The following HCN2 variants were observed in gnomAD, a reference collection of about 807,000 sequenced individuals.
HCN2 encodes the protein potassium/sodium hyperpolarization-activated cyclic nucleotide-gated channel 2.
A neutral mutation model predicts 52.3 loss-of-function variants in HCN2; 20 were observed. The ratio of observed to expected loss-of-function variants is 0.38; its 90% CI spans 0.27 to 0.56. The LOEUF (loss-of-function observed/expected upper bound fraction) is 0.56. Among genes scored for constraint, HCN2 ranks in the 20% least tolerant of loss-of-function variants. The probability of loss-of-function intolerance (pLI) is 0.71; values close to 1 mark genes in which losing one functional copy is unlikely to be tolerated. For synonymous variants in HCN2, 694 were observed against 537.0 expected (o/e 1.29, Z -4.04); for missense variants, 981 against 1,207.7 (o/e 0.81, Z 2.78).
rs576354153 is a variant in HCN2, at chr19:596,552, C to G, written c.632+5975C>G. On this transcript the variant is annotated intron_variant, in intron 1 of 7. Coordinates refer to ENST00000251287, the MANE Select transcript of HCN2 (RefSeq NM_001194.4). ...GCCCTCGTAGAGGCCTCACTGTTAC[C>G]TGTCGGGGATGGGTTTTAAATACAG... Among the ~76,000 whole-genome samples, 54 of 152,346 alleles carry G rather than the reference C, an allele frequency of 3.5e-4. 1 individual carries two copies. The South Asian group carries it at 9.9e-3, about 28-fold the overall frequency.
rs557680127 is a variant in HCN2, at chr19:592,446, C to G, written c.632+1869C>G. ...GGAGTGAAGCCCTCTCATCCTTCCA[C>G]CCTCCTTGGGCGTGGTCGCCTGGAG... On this transcript the variant is annotated intron_variant, in intron 1 of 7. Transcript: ENST00000251287. This position sits in a 1 kb window ranked among gnomAD's most constrained non-coding sequence, Gnocchi z 4.8. Among the ~76,000 whole-genome samples, 1 of 152,146 alleles carries G rather than the reference C, an allele frequency of 6.6e-6. No homozygotes were observed. Among genetic ancestry groups the G allele is most frequent in the Non-Finnish European group, 1.5e-5 (1 of 68,006 alleles).
intron 2 of HCN2, 65 bp downstream of exon 2, chr19:604,032 C>A: frequency 7.9e-7 from 1 of 1,267,968 alleles, no homozygotes; most frequent in East Asian, 2.6e-5. Flanking sequence ...ATGGGCGGGG[C>A]CAAGGCAGCA....
At chr19:594,116 C>A (rs1982952323) in intron 1 of HCN2, among the ~76,000 whole-genome samples, 1 of 150,804 alleles carries the variant, frequency 6.6e-6, no homozygotes, top group Admixed American at 6.6e-5. Context: ...GGTGTCTCCG[C>A]AGGAGAGGGG....
At chr19:599,733 A>G (rs1393562379) in intron 1 of HCN2, among the ~76,000 whole-genome samples, 3 of 151,990 alleles carry the variant, frequency 2.0e-5, no homozygotes. Flanking sequence ...GCTTGCAGTG[A>G]GCCGAGATTG....
chr19:615,703 G>A, intron 7 of HCN2, 92 bp from the exon 8 acceptor site: 1 of 1,254,448 alleles, frequency 8.0e-7, no homozygotes, highest in Admixed American at 1.8e-5. Flanking sequence ...GGCAAGCACT[G>A]TGTGCGCACC....
In HCN2 at chr19:616,863, A is replaced by G. The variant is rs570846326; in HGVS notation, c.*389A>G. ...CCCCGTCCGAGGAGGATCGTTTTCT[A>G]AGTGCAATACTTGGCCCGCCGGCTT... is the stretch of plus-strand genomic sequence containing the variant. On this transcript the variant is annotated 3_prime_UTR_variant, in exon 8 of 8. Transcript: ENST00000251287. 64 of 171,902 alleles carry G rather than the reference A, an allele frequency of 3.7e-4. No individual in the cohort carries two copies. The highest frequency in any genetic ancestry group is 1.7e-3 in the African/African-American group (63 of 37,772). 10.6% of individuals were successfully genotyped at this position (171,902 alleles called of 1,614,324 possible). A position where few individuals can be genotyped will look rare whatever the true frequency, so the allele number is the denominator to read the frequency against.
chr19:616,065 C>T lies in HCN2; in HGVS notation c.2261C>T (p.Ser754Leu). 3 of 1,142,990 alleles carry T rather than the reference C, an allele frequency of 2.6e-6. No individual in the cohort carries two copies. Among genetic ancestry groups the T allele is most frequent in the Non-Finnish European group, 2.1e-6 (2 of 932,950 alleles). 70.8% of individuals were successfully genotyped at this position (1,142,990 alleles called of 1,614,324 possible). ...CTCGTGGGGCCGCTGGCGCTCGGCT[C>T]GCCGCGCCTCGTGCGCCGCCCGCCC... is the stretch of plus-strand genomic sequence containing the variant. ...RPLVGPLALG[S>L]PRLVRRPPPG... The change falls in exon 8 of 8, where the codon TCG becomes TTG. Residue 754 changes from serine to leucine, a missense_variant. Coordinates refer to ENST00000251287, the MANE Select transcript of HCN2 (RefSeq NM_001194.4).
chr19:605,301 T>TCAAGTGGC lies in HCN2; in HGVS notation c.1218+79_1218+80insCAAGTGGC. 4 of 1,389,850 alleles carry TCAAGTGGC rather than the reference T, an allele frequency of 2.9e-6. No homozygotes were observed. In the Admixed American group the frequency reaches 6.7e-5, roughly 23 times the overall value. The allele number at this position is 1,389,850 out of a possible 1,614,324, so 86.1% of individuals were successfully genotyped here. ...GGGACCCAGGCCCCCTTATCCCGCT[T>TCAAGTGGC]ACAGAGGGTTGAACCCAAGCCTTTC... On this transcript the variant is annotated intron_variant, in intron 3 of 7. Transcript: ENST00000251287.
rs763669273 is a variant in HCN2 at position 603,785 on chromosome 19, G to T, written c.874G>T (p.Val292Leu). Residue 292 changes from valine to leucine, a missense_variant, in exon 2 of 8, where the codon GTG becomes TTG. This residue lies in a region of HCN2 where 282 missense variants were observed against 553.8 expected (regional missense o/e 0.51). Transcript: ENST00000251287. The part of the protein sequence containing the change: ...IKKKYLRTWF[V>L]VDFVSSIPVD... Reference sequence around the variant, plus strand: ...GAAGAAGTATCTGCGCACGTGGTTCGTGGTGGACTTCGTGTCCTCCATCCC... The same window carrying T: ...GAAGAAGTATCTGCGCACGTGGTTCTTGGTGGACTTCGTGTCCTCCATCCC... 2.5e-6 allele frequency: 4 copies of T among 1,612,736 alleles called. No homozygotes were observed.
intron 1 of HCN2, among the ~76,000 whole-genome samples, chr19:593,103 C>A (rs1328506374): frequency 6.6e-6 from 1 of 152,152 alleles, no homozygotes; most frequent in South Asian, 2.1e-4. Context: ...CCCAGGCACG[C>A]CCTCACCCCG....
rs900746437 is a variant in HCN2 at position 592,339 on chromosome 19, T to G, written c.632+1762T>G. On this transcript the variant is annotated intron_variant, in intron 1 of 7. Transcript: ENST00000251287. The surrounding 1 kb of genome is among the most constrained non-coding windows in gnomAD (Gnocchi z 4.8). ...CCCCTGGGCAGCTCCAGCGACCCCC[T>G]GGCTGCAGAGGGGCGGTCGGTGGCC... is the stretch of plus-strand genomic sequence containing the variant. 6.6e-6 allele frequency among the ~76,000 whole-genome samples: 1 copy of G among 152,090 alleles called. No homozygotes were observed. Among genetic ancestry groups the G allele is most frequent in the African/African-American group, 2.4e-5 (1 of 41,418 alleles).
At chr19:609,994 T>A (rs915239671) in intron 4 of HCN2, among the ~76,000 whole-genome samples, 1 of 152,234 alleles carries the variant, frequency 6.6e-6, no homozygotes, top group African/African-American at 2.4e-5. Flanking sequence ...GCCGCCCCTG[T>A]GTGTGGCGGA....
At position 616,963 on chromosome 19, in the gene HCN2, A is replaced by C; in HGVS notation, c.*489A>C. ...CGCGCGTCCCCCGGTGACCTCGGGG[A>C]GCAGCACCCCGCCTCCCTCCAGCAC... is the stretch of plus-strand genomic sequence containing the variant. On this transcript the variant is annotated 3_prime_UTR_variant, in exon 8 of 8. Transcript: ENST00000251287. 2.3e-6 allele frequency: 1 copy of C among 433,102 alleles called. No homozygotes were observed. The highest frequency in any genetic ancestry group is 4.3e-6 in the Non-Finnish European group (1 of 234,344). The allele number at this position is 433,102 out of a possible 1,614,324, so 26.8% of individuals were successfully genotyped here.
intron 6 of HCN2, among the ~76,000 whole-genome samples, 172 bp from the exon 7 acceptor site, chr19:613,680 C>CGGGGAG (rs1983762200): frequency 1.3e-4 from 1 of 7,688 alleles, no homozygotes; most frequent in Non-Finnish European, 2.6e-4. Context: ...GGGATGGGGC[C>CGGGGAG]GGGGATGGGG....
At position 616,206 on chromosome 19, in the gene HCN2, C is replaced by A; in HGVS notation, c.2402C>A (p.Ala801Asp). The A allele has an allele frequency of 1.0e-6, 1 of 985,018 alleles. No individual in the cohort carries two copies. The highest frequency in any genetic ancestry group is 1.1e-4 in the East Asian group (1 of 8,904). 61.0% of individuals were successfully genotyped at this position (985,018 alleles called of 1,614,324 possible). Residue 801 changes from alanine to aspartate, a missense_variant, in exon 8 of 8, where the codon GCC becomes GAC. By Grantham distance (126) the Ala-to-Asp change is moderately radical. Around this residue, in one of 6 missense-constraint regions of HCN2, gnomAD observed 368 missense variants for 314.8 expected, o/e 1.17. Coordinates refer to ENST00000251287, the MANE Select transcript of HCN2 (RefSeq NM_001194.4). ...TCGCCCTACGGCGGCCTGCCCGCCGCCCCCCTTGCTGGGCCCGCCCTGCCC... is the reference window on the plus strand; with the variant it reads ...TCGCCCTACGGCGGCCTGCCCGCCGACCCCCTTGCTGGGCCCGCCCTGCCC... ...RTSPYGGLPA[A>D]PLAGPALPAR...
rs1181463683 is a variant in HCN2, at chr19:590,865, C to G, written c.632+288C>G. On this transcript the variant is annotated intron_variant, in intron 1 of 7. Coordinates refer to ENST00000251287, the MANE Select transcript of HCN2 (RefSeq NM_001194.4). The surrounding 1 kb of genome is among the most constrained non-coding windows in gnomAD (Gnocchi z 7.2). Reference sequence around the variant, plus strand: ...GTGGGGTGGGCCGCAGGGCCAGGGTCTGAGCGCAGAGGGGCAGAGAGGACG... The same window carrying G: ...GTGGGGTGGGCCGCAGGGCCAGGGTGTGAGCGCAGAGGGGCAGAGAGGACG... 1 of 224,600 alleles carries G rather than the reference C, an allele frequency of 4.5e-6. No homozygotes were observed. Among genetic ancestry groups the G allele is most frequent in the Non-Finnish European group, 8.7e-6 (1 of 115,386 alleles). 13.9% of individuals were successfully genotyped at this position (224,600 alleles called of 1,614,324 possible). A position where few individuals can be genotyped will look rare whatever the true frequency, so the allele number is the denominator to read the frequency against.
At chr19:608,282 G>T in intron 4 of HCN2, 100 bp downstream of exon 4, 1 of 1,101,128 alleles carries the variant, frequency 9.1e-7, no homozygotes, top group South Asian at 1.4e-5. Flanking sequence ...GTCTGATGGA[G>T]GGAGGCAGGC....
Position 603,872 on chromosome 19 carries a change from C to T in HCN2, c.961C>T (p.Arg321Cys). ...TGACTCCGAGGTCTACAAGACGGCA[C>T]GCGCCCTGCGCATCGTGCGCTTCAC... ...GIDSEVYKTA[R>C]ALRIVRFTKI... is the part of the protein sequence containing the mutation. The change falls in exon 2 of 8, where the codon CGC becomes TGC. Residue 321 changes from arginine (R) to cysteine (C), a missense_variant. Around this residue, in one of 6 missense-constraint regions of HCN2, gnomAD observed 282 missense variants for 553.8 expected, o/e 0.51. Coordinates refer to ENST00000251287, the MANE Select transcript of HCN2 (RefSeq NM_001194.4). 6.2e-7 allele frequency: 1 copy of T among 1,612,518 alleles called. No individual in the cohort carries two copies. The highest frequency in any genetic ancestry group is 1.3e-5 in the African/African-American group (1 of 75,018).
intron 5 of HCN2, 21 bp downstream of exon 5, chr19:610,426 G>A (rs773379386): frequency 3.2e-5 from 51 of 1,607,606 alleles, no homozygotes; most frequent in Non-Finnish European, 4.1e-5. Context: ...CGCCGGGCGG[G>A]CGGGAGGCAG....
Sources: allele counts gnomAD v4.1 joint callset (sites outside exome capture counted in the v4.1 genomes callset), GRCh38; gene constraint gnomAD v4.1.1; regional missense constraint gnomAD v4.1.1; non-coding constraint Gnocchi (gnomAD v3.1); transcripts MANE v1.5; gene names NCBI Gene and HGNC (gene_info 2026-07-23, HGNC 2026-07-21).